The following MCTP1 variants were observed in gnomAD, a reference collection of about 807,000 sequenced individuals.
The protein encoded by MCTP1 is multiple C2 and transmembrane domain containing 1.
A neutral mutation model predicts 120.6 loss-of-function variants in MCTP1; 69 were observed. The ratio of observed to expected loss-of-function variants is 0.57; its 90% CI spans 0.47 to 0.70. The LOEUF (loss-of-function observed/expected upper bound fraction) is 0.70. Among genes scored for constraint, MCTP1 ranks in the 30% least tolerant of loss-of-function variants. The pLI is 0.00. For missense variants in MCTP1, 1,203 were observed against 1,248.8 expected, an observed-to-expected ratio of 0.96 and a Z score of 0.55; for synonymous variants, 529 against 493.1, an observed-to-expected ratio of 1.07 and a Z score of -0.96.
At chr5:94,840,826 A>G (rs1790854455) in intron 17 of MCTP1, among the ~76,000 whole-genome samples, 1 of 152,210 alleles carries the variant, frequency 6.6e-6, no homozygotes, top group African/African-American at 2.4e-5. Context: ...TGGTGTTGCT[A>G]TCTGGAATAT....
chr5:95,272,905 T>C (rs952644596), intron 1 of MCTP1, among the ~76,000 whole-genome samples: 1 of 152,236 alleles, frequency 6.6e-6, no homozygotes, highest in African/African-American at 2.4e-5. Flanking sequence ...CTGGTGTGTA[T>C]ACAAGGTCAG....
chr5:94,726,182 T>A (rs1762097438), intron 19 of MCTP1, among the ~76,000 whole-genome samples: 2 of 152,202 alleles, frequency 1.3e-5, no homozygotes, highest in African/African-American at 4.8e-5. Flanking sequence ...GTGCTCACTC[T>A]CCTTGGGTGC....
chr5:95,109,753 A>G (rs1487992133), intron 1 of MCTP1, among the ~76,000 whole-genome samples: 3 of 152,214 alleles, frequency 2.0e-5, no homozygotes, highest in African/African-American at 7.2e-5. Context: ...TAGTTATTAC[A>G]TTCTGCTGTA....
chr5:94,974,404 A>G (rs1827601560), intron 2 of MCTP1, among the ~76,000 whole-genome samples: 3 of 151,994 alleles, frequency 2.0e-5, no homozygotes, highest in Admixed American at 6.6e-5. Flanking sequence ...TTAAAAAATT[A>G]GCTGGGCATG....
intron 11 of MCTP1, 120 bp from the exon 12 acceptor site, chr5:94,889,092 T>G (rs547149358): frequency 5.1e-5 from 31 of 602,210 alleles, no homozygotes; most frequent in Non-Finnish European, 8.3e-5. Flanking sequence ...AAGATCAACA[T>G]TAAACTAACT....
intron 2 of MCTP1, among the ~76,000 whole-genome samples, chr5:94,956,272 A>T (rs1354025610): frequency 6.6e-6 from 1 of 152,230 alleles, no homozygotes; most frequent in Non-Finnish European, 1.5e-5. Context: ...CACCAACAGC[A>T]AAGACCAAAG....
At chr5:95,192,272 G>A (rs566759919) in intron 1 of MCTP1, among the ~76,000 whole-genome samples, 5 of 151,940 alleles carry the variant, frequency 3.3e-5, no homozygotes, top group African/African-American at 4.8e-5. Context: ...TTATGAATAC[G>A]GTTATACTGT....
intron 17 of MCTP1, among the ~76,000 whole-genome samples, chr5:94,815,950 C>T (rs1440879078): frequency 1.3e-5 from 2 of 152,110 alleles, no homozygotes; most frequent in Non-Finnish European, 1.5e-5. Flanking sequence ...CTTTGTTTTC[C>T]TCTCCTTTAT....
At chr5:95,134,075 T>C (rs1290315460) in intron 1 of MCTP1, among the ~76,000 whole-genome samples, 1 of 152,230 alleles carries the variant, frequency 6.6e-6, no homozygotes, top group Non-Finnish European at 1.5e-5. Flanking sequence ...TGTTCTACTC[T>C]TTAATTACCT....
rs115988956 is a variant in MCTP1, at chr5:95,097,813, T to C, written c.721-80329A>G. Among the ~76,000 whole-genome samples, 713 of 152,272 alleles carry C rather than the reference T, an allele frequency of 4.7e-3. 7 individuals carry two copies. Among genetic ancestry groups the C allele is most frequent in the Middle Eastern group, 0.02 (6 of 294 alleles). ...TCAAAGCACGAAGAAAAGAAAAAGA[T>C]CCAGCATGATTCTTAGGTTTTTGGT... On this transcript the variant is annotated intron_variant, in intron 1 of 22. Transcript: ENST00000515393.
intron 1 of MCTP1, among the ~76,000 whole-genome samples, chr5:95,022,856 T>C (rs983972355): frequency 6.6e-6 from 1 of 152,154 alleles, no homozygotes; most frequent in Non-Finnish European, 1.5e-5. Context: ...GACTGTAATA[T>C]ACTGAAGGTA....
intron 1 of MCTP1, among the ~76,000 whole-genome samples, chr5:95,149,865 A>G (rs1235819314): frequency 1.3e-5 from 2 of 152,088 alleles, no homozygotes; most frequent in Non-Finnish European, 2.9e-5. Flanking sequence ...CCCTGTAGGA[A>G]GTGTGCATTC....
intron 1 of MCTP1, among the ~76,000 whole-genome samples, chr5:95,101,180 A>G (rs1212488350): frequency 1.3e-5 from 2 of 152,170 alleles, no homozygotes; most frequent in Non-Finnish European, 2.9e-5. Flanking sequence ...TTTGCAAAAG[A>G]ATTTCAGCTA....
chr5:94,957,953 T>G (rs185350241), intron 2 of MCTP1, among the ~76,000 whole-genome samples: 8 of 152,288 alleles, frequency 5.3e-5, no homozygotes, highest in African/African-American at 1.9e-4. Context: ...CCACCCCAGA[T>G]CAATAGAATA....
At chr5:95,138,675 C>T (rs1004600389) in intron 1 of MCTP1, among the ~76,000 whole-genome samples, 3 of 151,708 alleles carry the variant, frequency 2.0e-5, no homozygotes, top group Non-Finnish European at 4.4e-5. Flanking sequence ...TGTGAGCCGC[C>T]GTCCCTCCAG....
intron 19 of MCTP1, among the ~76,000 whole-genome samples, chr5:94,753,476 G>T (rs374755712): frequency 1.1e-4 from 16 of 152,230 alleles, no homozygotes; most frequent in African/African-American, 3.4e-4. Context: ...TCGTGTAAAG[G>T]TTGTTTTAGA....
chr5:94,753,886 C>T (rs1769110587), intron 19 of MCTP1, among the ~76,000 whole-genome samples: 1 of 152,152 alleles, frequency 6.6e-6, no homozygotes, highest in Non-Finnish European at 1.5e-5. Flanking sequence ...AATTGGTGCA[C>T]TGGCCCCCAG....
chr5:95,006,033 C>T (rs1211478942), intron 2 of MCTP1, among the ~76,000 whole-genome samples: 1 of 152,104 alleles, frequency 6.6e-6, no homozygotes, highest in East Asian at 1.9e-4. Context: ...TTAACATGCA[C>T]ATCTTTGGGA....
intron 17 of MCTP1, among the ~76,000 whole-genome samples, chr5:94,839,593 C>T (rs1269629490): frequency 6.6e-6 from 1 of 152,108 alleles, no homozygotes; most frequent in Non-Finnish European, 1.5e-5. Flanking sequence ...ATATAAAAGA[C>T]TTCAAAAATA....
Sources: allele counts gnomAD v4.1 joint callset (sites outside exome capture counted in the v4.1 genomes callset), GRCh38; gene constraint gnomAD v4.1.1; transcripts MANE v1.5; gene names NCBI Gene and HGNC (gene_info 2026-07-23, HGNC 2026-07-21).